SPOCK3: variants seen among roughly 807,000 people sequenced by gnomAD.
The protein encoded by SPOCK3 is testican-3.
SPOCK3 carries 30 observed loss-of-function variants against 56.6 expected under a neutral mutation model. The observed-to-expected ratio is 0.53, with a 90% CI of 0.40 to 0.72. The LOEUF (loss-of-function observed/expected upper bound fraction) is 0.72. SPOCK3 is among the 30% of genes least tolerant of loss of function. The probability of loss-of-function intolerance (pLI) is 0.00; values close to 1 mark genes in which losing one functional copy is unlikely to be tolerated. For missense variants in SPOCK3, 527 were observed against 530.0 expected, an observed-to-expected ratio of 0.99 and a Z score of 0.06; for synonymous variants, 196 against 183.3, an observed-to-expected ratio of 1.07 and a Z score of -0.56.
intron 8 of SPOCK3, among the ~76,000 whole-genome samples, chr4:166,742,434 GGTCA>G (rs1217918390): frequency 6.6e-6 from 1 of 152,008 alleles, no homozygotes; most frequent in Non-Finnish European, 1.5e-5. Flanking sequence ...ACTTTTAAAA[GGTCA>G]ATCAAGTCAG....
intron 2 of SPOCK3, among the ~76,000 whole-genome samples, chr4:167,093,462 GC>G (rs1289563710): frequency 6.6e-6 from 1 of 151,904 alleles, no homozygotes; most frequent in Non-Finnish European, 1.5e-5. Flanking sequence ...CCCCTGACAG[GC>G]CCCGGTGCAT....
Position 167,109,411 on chromosome 4 carries a change from A to T in SPOCK3, c.190-46874T>A, listed in dbSNP as rs1423326015. Among the ~76,000 whole-genome samples, 109 of 75,544 alleles carry T rather than the reference A, an allele frequency of 1.4e-3. 1 individual carries two copies. Among genetic ancestry groups the T allele is most frequent in the African/African-American group, 5.1e-3 (108 of 21,340 alleles). 49.6% of individuals were successfully genotyped at this position (75,544 alleles called of 152,430 possible). A position where few individuals can be genotyped will look rare whatever the true frequency, so the allele number is the denominator to read the frequency against. ...TATAAATATATATTTATATATAAAT[A>T]TATATATAAATATATATATGATAAA... On this transcript the variant is annotated intron_variant, in intron 2 of 10. Coordinates refer to ENST00000357545, the MANE Select transcript of SPOCK3 (RefSeq NM_001040159.2).
At chr4:167,143,221 C>A (rs1763675001) in intron 2 of SPOCK3, among the ~76,000 whole-genome samples, 1 of 151,938 alleles carries the variant, frequency 6.6e-6, no homozygotes, top group Non-Finnish European at 1.5e-5. Flanking sequence ...GACCACACAT[C>A]CCTCCCACAT....
chr4:167,134,507 A>G (rs1459160161), intron 2 of SPOCK3, among the ~76,000 whole-genome samples: 2 of 152,172 alleles, frequency 1.3e-5, no homozygotes, highest in African/African-American at 4.8e-5. Flanking sequence ...TTTTAATAGC[A>G]TGAAAACTGT....
intron 2 of SPOCK3, among the ~76,000 whole-genome samples, chr4:167,112,450 T>C (rs1016146453): frequency 6.6e-6 from 1 of 152,108 alleles, no homozygotes; most frequent in Non-Finnish European, 1.5e-5. Context: ...ACCTACTTCA[T>C]TCCCATATGA....
chr4:167,188,777 T>C (rs917402960), intron 2 of SPOCK3, among the ~76,000 whole-genome samples: 3 of 146,290 alleles, frequency 2.1e-5, no homozygotes, highest in African/African-American at 7.8e-5. Context: ...AGCATTACTA[T>C]AGATCTTATG....
At chr4:166,966,845 G>C (rs1470918357) in intron 4 of SPOCK3, among the ~76,000 whole-genome samples, 2 of 152,096 alleles carry the variant, frequency 1.3e-5, no homozygotes, top group Non-Finnish European at 2.9e-5. Flanking sequence ...ATCACACTTT[G>C]ATGACACTGT....
At chr4:166,811,430 T>C (rs1743783282) in intron 6 of SPOCK3, among the ~76,000 whole-genome samples, 2 of 151,818 alleles carry the variant, frequency 1.3e-5, no homozygotes, top group Non-Finnish European at 2.9e-5. Flanking sequence ...AGTTTCATGT[T>C]TTTTTTCACT....
chr4:166,990,853 A>T (rs1455127697), intron 4 of SPOCK3, among the ~76,000 whole-genome samples: 1 of 152,126 alleles, frequency 6.6e-6, no homozygotes, highest in African/African-American at 2.4e-5. Flanking sequence ...ATTTTAAGAA[A>T]TATAATTGAT....
At position 166,859,368 on chromosome 4, in the gene SPOCK3, A is replaced by G. The variant is rs567305085; in HGVS notation, c.589+29762T>C. ...AATAAACACTGATATTATTTCTAAT[A>G]GAGGTTTATGTCTTAACCACATCTA... On this transcript the variant is annotated intron_variant, in intron 6 of 10. Transcript: ENST00000357545. Among the ~76,000 whole-genome samples, 143 of 152,322 alleles carry G rather than the reference A, an allele frequency of 9.4e-4. 1 individual carries two copies. The highest frequency in any genetic ancestry group is 3.2e-3 in the African/African-American group (134 of 41,582).
At chr4:167,000,532 A>G in intron 3 of SPOCK3, 69 bp from the exon 4 acceptor site, 1 of 738,136 alleles carries the variant, frequency 1.4e-6, no homozygotes, top group South Asian at 1.7e-5. Flanking sequence ...CCCATCAAAC[A>G]CAATTTGATC....
chr4:166,750,555 G>A (rs199828892), intron 8 of SPOCK3, among the ~76,000 whole-genome samples: 1 of 127,172 alleles, frequency 7.9e-6, no homozygotes, highest in African/African-American at 3.2e-5. Flanking sequence ...AGGGAAGAAT[G>A]AAAAAAAAAT....
intron 6 of SPOCK3, among the ~76,000 whole-genome samples, chr4:166,799,596 A>G (rs2318491): frequency 0.26 from 39,456 of 151,978 alleles, 6,389 homozygotes; most frequent in East Asian, 0.74. Flanking sequence ...AGGTTCATCC[A>G]TGATTTCAAA....
rs142404805 is a variant in SPOCK3 at position 166,860,176 on chromosome 4, A to T, written c.589+28954T>A. ...AATAAAAGAAATCTATTGACAGTGA[A>T]TTTTTAGGGCTCTCTAGGGAAGATT... On this transcript the variant is annotated intron_variant, in intron 6 of 10. Coordinates refer to ENST00000357545, the MANE Select transcript of SPOCK3 (RefSeq NM_001040159.2). Among the ~76,000 whole-genome samples the T allele has an allele frequency of 2.0e-5, 3 of 152,198 alleles. No individual in the cohort carries two copies. In the East Asian group the frequency reaches 5.8e-4, roughly 29 times the overall value.
intron 5 of SPOCK3, among the ~76,000 whole-genome samples, chr4:166,911,907 T>C (rs573177751): frequency 6.6e-6 from 1 of 152,272 alleles, no homozygotes; most frequent in African/African-American, 2.4e-5. Flanking sequence ...TTCTAAAATA[T>C]ATATTTTTTA....
At chr4:166,827,281 T>C (rs1423588504) in intron 6 of SPOCK3, among the ~76,000 whole-genome samples, 2 of 152,078 alleles carry the variant, frequency 1.3e-5, no homozygotes, top group Non-Finnish European at 2.9e-5. Context: ...AATTACTATA[T>C]ATCTCCTTCC....
intron 7 of SPOCK3, among the ~76,000 whole-genome samples, chr4:166,781,435 G>T (rs1740159856): frequency 6.6e-6 from 1 of 151,856 alleles, no homozygotes; most frequent in African/African-American, 2.4e-5. Flanking sequence ...AACAGAGGAG[G>T]AGGAGGAGGA....
intron 2 of SPOCK3, among the ~76,000 whole-genome samples, chr4:167,110,639 A>G (rs147986629): frequency 2.0e-5 from 3 of 152,244 alleles, no homozygotes; most frequent in Admixed American, 6.6e-5. Flanking sequence ...TCATTTATCC[A>G]TAAGACAATA....
chr4:166,934,447 G>A (rs1036276516), intron 4 of SPOCK3, among the ~76,000 whole-genome samples: 1 of 151,884 alleles, frequency 6.6e-6, no homozygotes, highest in African/African-American at 2.4e-5. Flanking sequence ...GCAGTGAGCC[G>A]AGATCGCGCC....
Sources: allele counts gnomAD v4.1 joint callset (sites outside exome capture counted in the v4.1 genomes callset), GRCh38; gene constraint gnomAD v4.1.1; transcripts MANE v1.5; gene names NCBI Gene and HGNC (gene_info 2026-07-23, HGNC 2026-07-21).